The following CSGALNACT2 variants were observed in gnomAD, a reference collection of about 807,000 sequenced individuals.
The protein encoded by CSGALNACT2 is beta 4 GalNAcT-2.
A neutral mutation model predicts 55.3 loss-of-function variants in CSGALNACT2; 35 were observed. The observed-to-expected ratio is 0.63, with a 90% CI of 0.48 to 0.84. The LOEUF (loss-of-function observed/expected upper bound fraction) is 0.84, where lower values mean the gene tolerates loss of function less well. Ranked by LOEUF, CSGALNACT2 falls within the 40% of genes least tolerant of loss-of-function variation. CSGALNACT2 has a pLI of 0.00. For synonymous variants in CSGALNACT2, 196 were observed against 224.9 expected (o/e 0.87, Z 1.15); for missense variants, 544 against 657.5 (o/e 0.83, Z 1.89).
chr10:43,153,063 TA>T (rs1359060693), intron 1 of CSGALNACT2, among the ~76,000 whole-genome samples: 1 of 152,036 alleles, frequency 6.6e-6, no homozygotes, highest in African/African-American at 2.4e-5. Context: ...GCTGTAATAG[TA>T]AAAGACTCCC....
intron 5 of CSGALNACT2, 118 bp downstream of exon 5, chr10:43,164,162 T>A (rs1254490871): frequency 1.3e-6 from 1 of 795,258 alleles, no homozygotes; most frequent in Non-Finnish European, 1.9e-6. Flanking sequence ...AGTATTTTTT[T>A]AAGTTATATT....
intron 1 of CSGALNACT2, among the ~76,000 whole-genome samples, chr10:43,145,385 T>C (rs1316457606): frequency 1.3e-5 from 2 of 151,180 alleles, no homozygotes; most frequent in East Asian, 3.9e-4. Flanking sequence ...GGCTTCTAAT[T>C]GGCGTAGCCT....
At chr10:43,163,032 G>A in intron 4 of CSGALNACT2, 1 of 985,046 alleles carries the variant, frequency 1.0e-6, no homozygotes, top group Non-Finnish European at 1.2e-6. Flanking sequence ...CCCATTTTAG[G>A]GTCCTTTTCT....
chr10:43,174,481 C>A (rs905029007), intron 6 of CSGALNACT2, among the ~76,000 whole-genome samples: 1 of 152,134 alleles, frequency 6.6e-6, no homozygotes, highest in Admixed American at 6.5e-5. Context: ...TCTGGGCTGG[C>A]CCTTCCCCTG....
chr10:43,149,617 T>A (rs1050632162), intron 1 of CSGALNACT2, among the ~76,000 whole-genome samples: 2 of 152,190 alleles, frequency 1.3e-5, no homozygotes, highest in Non-Finnish European at 2.9e-5. Flanking sequence ...TGTTGAGGAT[T>A]TTTGTATTTA....
At chr10:43,164,961 T>A (rs1839230063) in intron 5 of CSGALNACT2, among the ~76,000 whole-genome samples, 1 of 151,612 alleles carries the variant, frequency 6.6e-6, no homozygotes, top group Non-Finnish European at 1.5e-5. Flanking sequence ...TGGTGGCTCA[T>A]GCCTGTAATC....
chr10:43,161,797 C>G lies in CSGALNACT2; in HGVS notation c.980+1202C>G, dbSNP rs758949203. ...CCAGTTACCTCTAATTAGTTAGTTC[C>G]TACTTAATTCACAGGACCTCTTCTC... On this transcript the variant is annotated intron_variant, in intron 4 of 7. Coordinates refer to ENST00000374466, the MANE Select transcript of CSGALNACT2 (RefSeq NM_018590.5). 5.7e-4 allele frequency among the ~76,000 whole-genome samples: 87 copies of G among 152,270 alleles called. 1 individual carries two copies. The highest frequency in any genetic ancestry group is 1.0e-3 in the Non-Finnish European group (68 of 68,026).
chr10:43,153,357 A>T (rs1838922783), intron 1 of CSGALNACT2, among the ~76,000 whole-genome samples: 1 of 149,966 alleles, frequency 6.7e-6, no homozygotes, highest in Non-Finnish European at 1.5e-5. Context: ...ACTCCCTTGT[A>T]GTGAGTTAAA....
At chr10:43,153,723 C>G (rs1838931068) in intron 1 of CSGALNACT2, among the ~76,000 whole-genome samples, 1 of 152,136 alleles carries the variant, frequency 6.6e-6, no homozygotes, top group Admixed American at 6.5e-5. Context: ...TCCTTGCCTC[C>G]CTTGTCCTAA....
intron 7 of CSGALNACT2, among the ~76,000 whole-genome samples, chr10:43,182,819 G>T (rs1839614072): frequency 6.7e-6 from 1 of 150,166 alleles, no homozygotes; most frequent in South Asian, 2.1e-4. Context: ...ATGCTGCAGT[G>T]AGCCATGATC....
rs778625805 is a variant in CSGALNACT2, at chr10:43,183,275, T to C, written c.1362T>C (p.Gly454=). The C allele has an allele frequency of 2.5e-6, 4 of 1,613,646 alleles. No individual in the cohort carries two copies. In the South Asian group the frequency reaches 4.4e-5, roughly 18 times the overall value. Residue 454 remains glycine (G), a synonymous_variant, in exon 8 of 8, where the codon GGT becomes GGC. Coordinates refer to ENST00000374466, the MANE Select transcript of CSGALNACT2 (RefSeq NM_018590.5). The part of the protein sequence containing the change: ...TIGGFDMEVK[G]WGGEDVHLYR... The stretch of plus-strand genomic sequence containing the variant: ...GTGGATTTGACATGGAAGTGAAAGG[T>C]TGGGGTGGAGAAGATGTTCATCTTT...
At chr10:43,164,958 T>C (rs976404496) in intron 5 of CSGALNACT2, among the ~76,000 whole-genome samples, 2 of 152,160 alleles carry the variant, frequency 1.3e-5, no homozygotes, top group Middle Eastern at 3.4e-3. Context: ...GGGTGGTGGC[T>C]CATGCCTGTA....
intron 1 of CSGALNACT2, among the ~76,000 whole-genome samples, chr10:43,145,291 A>G (rs1298765426): frequency 6.6e-6 from 1 of 152,242 alleles, no homozygotes; most frequent in Non-Finnish European, 1.5e-5. Flanking sequence ...CAAGGCAAAG[A>G]AAATATTTGA....
At chr10:43,169,216 G>A (rs1006479042) in intron 6 of CSGALNACT2, among the ~76,000 whole-genome samples, 4 of 152,172 alleles carry the variant, frequency 2.6e-5, no homozygotes, top group African/African-American at 9.7e-5. Flanking sequence ...CTGGAGATAG[G>A]CCATTGTAAT....
intron 6 of CSGALNACT2, among the ~76,000 whole-genome samples, chr10:43,174,732 G>A (rs1035982114): frequency 3.3e-5 from 5 of 152,100 alleles, no homozygotes; most frequent in African/African-American, 1.2e-4. Context: ...TATAGCTGTT[G>A]CCTCTTTTCT....
At position 43,176,025 on chromosome 10, in the gene CSGALNACT2, G is replaced by T; in HGVS notation, c.1329G>T (p.Leu443=). The part of the protein sequence containing the change: ...GMTCQYRSDF[L]TIGGFDMEVK... ...CTTGTCAGTATCGTTCAGATTTCCTGACCATTGGTAAGTATACTTTACATT... is the reference window on the plus strand; with the variant it reads ...CTTGTCAGTATCGTTCAGATTTCCTTACCATTGGTAAGTATACTTTACATT... Residue 443 remains leucine, a synonymous_variant, in exon 7 of 8, where the codon CTG becomes CTT. Transcript: ENST00000374466. 1 of 1,607,334 alleles carries T rather than the reference G, an allele frequency of 6.2e-7. No homozygotes were observed. The highest frequency in any genetic ancestry group is 1.1e-5 in the South Asian group (1 of 89,398).
intron 6 of CSGALNACT2, among the ~76,000 whole-genome samples, chr10:43,169,618 A>G (rs1375933972): frequency 2.0e-5 from 3 of 152,236 alleles, no homozygotes; most frequent in African/African-American, 7.2e-5. Flanking sequence ...AAGACAAGGA[A>G]GATCAAGCCA....
At chr10:43,174,115 G>A (rs766002054) in intron 6 of CSGALNACT2, among the ~76,000 whole-genome samples, 3 of 151,864 alleles carry the variant, frequency 2.0e-5, no homozygotes, top group Non-Finnish European at 4.4e-5. Flanking sequence ...TGTTCTAGGT[G>A]CTAGGAATAT....
chr10:43,183,715 A>G lies in CSGALNACT2; in HGVS notation c.*173A>G. 1.6e-6 allele frequency: 1 copy of G among 607,218 alleles called. No individual in the cohort carries two copies. Among genetic ancestry groups the G allele is most frequent in the East Asian group, 2.8e-5 (1 of 36,196 alleles). 37.6% of individuals were successfully genotyped at this position (607,218 alleles called of 1,614,324 possible). ...GTGAGAAGAAAAAACAAATGTTTCAACACAAAATCTCTGTTTTGTGAGAAT... is the reference window on the plus strand; with the variant it reads ...GTGAGAAGAAAAAACAAATGTTTCAGCACAAAATCTCTGTTTTGTGAGAAT... On this transcript the variant is annotated 3_prime_UTR_variant, in exon 8 of 8. Coordinates refer to ENST00000374466, the MANE Select transcript of CSGALNACT2 (RefSeq NM_018590.5).
Sources: gnomAD v4.1 joint callset for allele counts (sites outside exome capture counted in the v4.1 genomes callset) on GRCh38, gnomAD v4.1.1 for gene constraint, MANE v1.5 for transcripts, NCBI Gene and HGNC (gene_info 2026-07-23, HGNC 2026-07-21) for gene names.